Variants in FBXO39 observed in about 807,000 individuals in gnomAD.
FBXO39 encodes F-box only protein 39.
Under a neutral mutation model 36.6 loss-of-function variants are expected in FBXO39, and 22 were observed. That is an observed-to-expected ratio of 0.60 (90% confidence interval 0.43 to 0.86). The LOEUF (loss-of-function observed/expected upper bound fraction) is 0.86, where lower values mean the gene tolerates loss of function less well. FBXO39 is among the 40% of genes least tolerant of loss of function. The pLI is 0.00. For synonymous variants in FBXO39, 206 were observed against 205.8 expected (o/e 1.00, Z -0.01); for missense variants, 536 against 543.9 (o/e 0.99, Z 0.14).
intron 2 of FBXO39, 109 bp downstream of exon 2, chr17:6,781,000 A>C: frequency 3.3e-6 from 4 of 1,221,992 alleles, no homozygotes; most frequent in African/African-American, 1.5e-5. Context: ...ACTCAATCTC[A>C]AATTGAAGTT....
chr17:6,777,632 G>C (rs1976449052), intron 1 of FBXO39, among the ~76,000 whole-genome samples: 1 of 152,090 alleles, frequency 6.6e-6, no homozygotes, highest in East Asian at 1.9e-4. Flanking sequence ...CCCTAGCCTT[G>C]GGCAGTTTGC....
In FBXO39 at chr17:6,786,896, T is replaced by C; in HGVS notation, c.1140T>C (p.Ser380=). The change falls in exon 3 of 4, where the codon AGT becomes AGC. Residue 380 remains serine, a synonymous_variant. Transcript: ENST00000321535. The part of the protein sequence containing the change: ...YFKIWAFLDV[S]FVERILKSQK... Reference sequence around the variant, plus strand: ...AAATCTGGGCTTTCCTTGATGTTAGTTTTGTGGAGCGGATCCTGAAGAGTC... The same window carrying C: ...AAATCTGGGCTTTCCTTGATGTTAGCTTTGTGGAGCGGATCCTGAAGAGTC... 1 of 1,613,998 alleles carries C rather than the reference T, an allele frequency of 6.2e-7. No homozygotes were observed. The highest frequency in any genetic ancestry group is 8.5e-7 in the Non-Finnish European group (1 of 1,179,962).
intron 2 of FBXO39, among the ~76,000 whole-genome samples, chr17:6,784,431 A>G (rs1976541967): frequency 6.6e-6 from 1 of 152,258 alleles, no homozygotes; most frequent in African/African-American, 2.4e-5. Flanking sequence ...GATGAGAGAA[A>G]TAAAGGGCAC....
chr17:6,781,672 C>A (rs1976510346), intron 2 of FBXO39, among the ~76,000 whole-genome samples: 1 of 152,150 alleles, frequency 6.6e-6, no homozygotes, highest in Non-Finnish European at 1.5e-5. Context: ...CACTGCAGGG[C>A]TGGGACGAGC....
chr17:6,778,347 TAA>T (rs1976459691), intron 1 of FBXO39, among the ~76,000 whole-genome samples: 1 of 152,172 alleles, frequency 6.6e-6, no homozygotes, highest in Non-Finnish European at 1.5e-5. Context: ...CACAGACGAA[TAA>T]TGTCAGTCCT....
chr17:6,787,437 C>T lies in FBXO39; in HGVS notation c.*9C>T. 1 of 1,613,438 alleles carries T rather than the reference C, an allele frequency of 6.2e-7. No homozygotes were observed. The highest frequency in any genetic ancestry group is 1.1e-5 in the South Asian group (1 of 91,020). ...TTTACTCTGTGATGTAATGAGCACT[C>T]TACAGATGAAGAAAGCTGGGAGCAC... On this transcript the variant is annotated 3_prime_UTR_variant, in exon 4 of 4. Coordinates refer to ENST00000321535, the MANE Select transcript of FBXO39 (RefSeq NM_153230.3).
At chr17:6,778,720 T>C (rs1976464442) in intron 1 of FBXO39, among the ~76,000 whole-genome samples, 1 of 152,176 alleles carries the variant, frequency 6.6e-6, no homozygotes, top group South Asian at 2.1e-4. Flanking sequence ...CAAATGAAAC[T>C]TTGAAAGCAA....
chr17:6,787,019 C>A, intron 3 of FBXO39, 63 bp downstream of exon 3: 2 of 1,536,282 alleles, frequency 1.3e-6, no homozygotes, highest in Non-Finnish European at 1.8e-6. Flanking sequence ...GGTGCTTCTG[C>A]TCTGGAACGA....
chr17:6,783,352 G>A (rs1044462504), intron 2 of FBXO39, among the ~76,000 whole-genome samples: 1 of 151,766 alleles, frequency 6.6e-6, no homozygotes, highest in Non-Finnish European at 1.5e-5. Flanking sequence ...ACACTTTAAA[G>A]GACTGAAAAA....
At chr17:6,785,233 A>G (rs1976557136) in intron 2 of FBXO39, among the ~76,000 whole-genome samples, 1 of 152,154 alleles carries the variant, frequency 6.6e-6, no homozygotes, top group South Asian at 2.1e-4. Flanking sequence ...AAAACCATAC[A>G]TTGGGAAAAG....
intron 2 of FBXO39, among the ~76,000 whole-genome samples, chr17:6,784,929 A>ACATATATATATATGTGTG: frequency 7.3e-6 from 1 of 136,308 alleles, no homozygotes; most frequent in Admixed American, 7.2e-5. Flanking sequence ...ATATATATAT[A>ACATATATATATATGTGTG]TGTGTGTGTG....
At position 6,780,413 on chromosome 17, in the gene FBXO39, T is replaced by A. The variant is rs1343824610; in HGVS notation, c.545T>A (p.Ile182Asn). The change falls in exon 2 of 4, where the codon ATT becomes AAT. Residue 182 changes from isoleucine to asparagine, a missense_variant. Transcript: ENST00000321535. ...CTGACCGTGGAGCAAGGCTGCCAAA[T>A]TCTCGACTCCCTCAGCTACATGAGG... ...ARLTVEQGCQ[I>N]LDSLSYMRNE... is the part of the protein sequence containing the mutation. 1 of 1,614,122 alleles carries A rather than the reference T, an allele frequency of 6.2e-7. No homozygotes were observed. Among genetic ancestry groups the A allele is most frequent in the East Asian group, 2.2e-5 (1 of 44,864 alleles).
intron 2 of FBXO39, among the ~76,000 whole-genome samples, chr17:6,785,174 A>G (rs1324488412): frequency 6.6e-6 from 1 of 152,148 alleles, no homozygotes; most frequent in Non-Finnish European, 1.5e-5. Flanking sequence ...TAGAGAACCC[A>G]GAAACAAATT....
At chr17:6,782,510 T>A (rs1206694536) in intron 2 of FBXO39, among the ~76,000 whole-genome samples, 1 of 152,110 alleles carries the variant, frequency 6.6e-6, no homozygotes, top group Non-Finnish European at 1.5e-5. Context: ...AAGACTCAAT[T>A]ATCTGCTGCC....
In FBXO39 at chr17:6,786,832, ACCT is replaced by A. The variant is rs1567672377; in HGVS notation, c.1081_1083del (p.Leu361del). ...CATGAGTCACTCGACGAGGAGCTGC[ACCT>A]CCTCATCATATCCTGCAGGAAGTTG... On this transcript the variant is annotated inframe_deletion, in exon 3 of 4. Transcript: ENST00000321535. 1 of 1,613,450 alleles carries A rather than the reference ACCT, an allele frequency of 6.2e-7. No individual in the cohort carries two copies. Among genetic ancestry groups the A allele is most frequent in the African/African-American group, 1.3e-5 (1 of 74,944 alleles).
At position 6,780,084 on chromosome 17, in the gene FBXO39, A is replaced by G; in HGVS notation, c.216A>G (p.Ala72=). 1.2e-6 allele frequency: 2 copies of G among 1,614,220 alleles called. No homozygotes were observed. The highest frequency in any genetic ancestry group is 2.7e-5 in the African/African-American group (2 of 75,056). ...TFSGRPSRVH[A]SEVESAVWYV... is the part of the protein sequence containing the mutation. Reference sequence around the variant, plus strand: ...GCGGGAGACCTTCCAGGGTACATGCATCTGAAGTTGAGTCAGCTGTTTGGT... The same window carrying G: ...GCGGGAGACCTTCCAGGGTACATGCGTCTGAAGTTGAGTCAGCTGTTTGGT... Residue 72 remains alanine (A), a synonymous_variant, in exon 2 of 4, where the codon GCA becomes GCG. Coordinates refer to ENST00000321535, the MANE Select transcript of FBXO39 (RefSeq NM_153230.3).
chr17:6,782,194 G>GTGTT (rs931918012), intron 2 of FBXO39, among the ~76,000 whole-genome samples: 44 of 152,266 alleles, frequency 2.9e-4, no homozygotes, highest in African/African-American at 9.4e-4. Context: ...TTATGCAATA[G>GTGTT]TGTTAAGTTG....
chr17:6,784,029 A>G (rs1976537537), intron 2 of FBXO39, among the ~76,000 whole-genome samples: 1 of 152,142 alleles, frequency 6.6e-6, no homozygotes, highest in African/African-American at 2.4e-5. Flanking sequence ...TTATTGGCAA[A>G]CCAAATTCGA....
chr17:6,776,959 A>G (rs924468521), intron 1 of FBXO39, among the ~76,000 whole-genome samples: 1 of 151,926 alleles, frequency 6.6e-6, no homozygotes, highest in African/African-American at 2.4e-5. Flanking sequence ...ATTAAATAGA[A>G]TTTGGAGTCT....
Sources: allele counts gnomAD v4.1 joint callset (sites outside exome capture counted in the v4.1 genomes callset), GRCh38; gene constraint gnomAD v4.1.1; transcripts MANE v1.5; gene names NCBI Gene and HGNC (gene_info 2026-07-23, HGNC 2026-07-21).